The following MYOF variants were observed in gnomAD, a reference collection of about 807,000 sequenced individuals.
MYOF encodes myoferlin.
A neutral mutation model predicts 284.2 loss-of-function variants in MYOF; 244 were observed. That is an observed-to-expected ratio of 0.86 (90% CI 0.77 to 0.95). The LOEUF (loss-of-function observed/expected upper bound fraction) is 0.95. Among genes scored for constraint, MYOF ranks in the 40% least tolerant of loss-of-function variants. The pLI, the probability that MYOF is intolerant of heterozygous loss-of-function variation, is 0.00. For missense variants in MYOF, 2,496 were observed against 2,560.6 expected (o/e 0.97, Z 0.54); for synonymous variants, 904 against 919.7 (o/e 0.98, Z 0.31).
Position 93,399,413 on chromosome 10 carries a change from T to G in MYOF, c.1200A>C (p.Glu400Asp), listed in dbSNP as rs762884280. The G allele has an allele frequency of 6.2e-7, 1 of 1,613,336 alleles. No homozygotes were observed. Among genetic ancestry groups the G allele is most frequent in the Admixed American group, 1.7e-5 (1 of 59,990 alleles). The change falls in exon 13 of 54, where the codon GAA (glutamate) becomes GAC (aspartate). Residue 400 changes from glutamate (E) to aspartate (D), a missense_variant. Around this residue, in one of 3 missense-constraint regions of MYOF, gnomAD observed 2,436 missense variants for 2,480.7 expected, o/e 0.98. Coordinates refer to ENST00000359263, the MANE Select transcript of MYOF (RefSeq NM_013451.4). ...AAACCTTTTTTCCAGCAAAGGAAAC[T>G]TCTACAAAAGGATCCACGAGATTTT... is the stretch of plus-strand genomic sequence containing the variant. ...DKKNLVDPFV[E>D]VSFAGKKVCT...
At chr10:93,325,708 A>G in intron 46 of MYOF, 118 bp downstream of exon 46, 1 of 1,286,632 alleles carries the variant, frequency 7.8e-7, no homozygotes, top group Non-Finnish European at 1.1e-6. Context: ...TTTGAGTCTC[A>G]TTTCTATTTC....
chr10:93,341,869 C>T, intron 38 of MYOF: 1 of 1,257,976 alleles, frequency 7.9e-7, no homozygotes, highest in South Asian at 1.3e-5. Context: ...AGGCCAAGGT[C>T]CCACAGTCCC....
intron 3 of MYOF, among the ~76,000 whole-genome samples, chr10:93,446,969 G>A (rs557661227): frequency 4.6e-5 from 7 of 152,036 alleles, no homozygotes; most frequent in South Asian, 2.1e-4. Flanking sequence ...TGCCTGCCTC[G>A]GCCTCCCAAA....
chr10:93,353,793 A>G lies in MYOF; in HGVS notation c.3481+18T>C. On this transcript the variant is annotated intron_variant, in intron 32 of 53. Coordinates refer to ENST00000359263, the MANE Select transcript of MYOF (RefSeq NM_013451.4). ...TGCTATGTAATCATGTGTAGCATGT[A>G]GATTTTTTTTCCTTTACCTGAAAAG... 7 of 1,592,486 alleles carry G rather than the reference A, an allele frequency of 4.4e-6. No individual in the cohort carries two copies. Among genetic ancestry groups the G allele is most frequent in the Non-Finnish European group, 6.0e-6 (7 of 1,165,900 alleles).
chr10:93,430,517 G>T (rs992652511), intron 4 of MYOF, among the ~76,000 whole-genome samples: 1 of 151,254 alleles, frequency 6.6e-6, no homozygotes, highest in East Asian at 2.0e-4. Flanking sequence ...AGGAGGCAGA[G>T]GTTGCAGTGA....
At chr10:93,376,616 A>G (rs1242916256) in intron 22 of MYOF, among the ~76,000 whole-genome samples, 1 of 152,082 alleles carries the variant, frequency 6.6e-6, no homozygotes, top group African/African-American at 2.4e-5. Flanking sequence ...AGTGTGGGGA[A>G]TAAAGGCCTT....
chr10:93,386,302 TA>T (rs1846362249), intron 19 of MYOF, among the ~76,000 whole-genome samples: 1 of 152,204 alleles, frequency 6.6e-6, no homozygotes, highest in South Asian at 2.1e-4. Context: ...TTCCTTTTCT[TA>T]ATTTTTCCTC....
At position 93,332,245 on chromosome 10, in the gene MYOF, C is replaced by T. The variant is rs866779541; in HGVS notation, c.4811+976G>A. On this transcript the variant is annotated intron_variant, in intron 43 of 53. Transcript: ENST00000359263. ...TCTTTTATTTTTTTTTTTTGGGAGA[C>T]GGAGTCTTGCTCTGTCGCCCAGGCT... is the stretch of plus-strand genomic sequence containing the variant. 6.1e-5 allele frequency among the ~76,000 whole-genome samples: 9 copies of T among 147,124 alleles called. No homozygotes were observed. The East Asian group carries it at 8.1e-4, about 13-fold the overall frequency.
intron 1 of MYOF, among the ~76,000 whole-genome samples, chr10:93,468,300 A>G (rs890769895): frequency 6.6e-6 from 1 of 152,236 alleles, no homozygotes; most frequent in Non-Finnish European, 1.5e-5. Context: ...CTGAGGAGGT[A>G]GGGCCTACAG....
At chr10:93,317,634 GAAACA>G (rs199714602) in intron 49 of MYOF, among the ~76,000 whole-genome samples, 6,794 of 151,994 alleles carry the variant, frequency 0.045, 210 homozygotes, top group Non-Finnish European at 0.066. Context: ...TTCCGTCTCA[GAAACA>G]AAACAAAACA....
At chr10:93,381,464 A>G in intron 19 of MYOF, 68 bp from the exon 20 acceptor site, 1 of 1,511,218 alleles carries the variant, frequency 6.6e-7, no homozygotes, top group Admixed American at 1.8e-5. Context: ...GTGGATTTCT[A>G]GGAGACGCAA....
In MYOF at chr10:93,373,536, A is replaced by G. The variant is rs180954422; in HGVS notation, c.2302-451T>C. On this transcript the variant is annotated intron_variant, in intron 23 of 53. Coordinates refer to ENST00000359263, the MANE Select transcript of MYOF (RefSeq NM_013451.4). ...TCAAAAACCTCTTTTTTTATTATAA[A>G]GAAGATAATCCAGCTTCCAGAGCTG... Among the ~76,000 whole-genome samples the G allele has an allele frequency of 6.1e-3, 936 of 152,300 alleles. 10 individuals carry two copies. Among genetic ancestry groups the G allele is most frequent in the African/African-American group, 0.021 (880 of 41,564 alleles).
chr10:93,409,398 T>G (rs1411194602), intron 6 of MYOF, among the ~76,000 whole-genome samples, 175 bp downstream of exon 6: 1 of 152,204 alleles, frequency 6.6e-6, no homozygotes, highest in East Asian at 1.9e-4. Context: ...TAAACCCACT[T>G]GTGCCTGCAG....
At chr10:93,417,096 C>G (rs1316283537) in intron 5 of MYOF, among the ~76,000 whole-genome samples, 2 of 152,176 alleles carry the variant, frequency 1.3e-5, no homozygotes, top group Non-Finnish European at 2.9e-5. Flanking sequence ...TTCAAGATTC[C>G]TCACTGTCCA....
At chr10:93,329,573 GA>G (rs1843209620) in intron 44 of MYOF, 90 bp downstream of exon 44, 6 of 1,357,590 alleles carry the variant, frequency 4.4e-6, no homozygotes, top group Non-Finnish European at 5.2e-6. Flanking sequence ...GTGGCTCAGT[GA>G]AGGAAGGCAC....
At chr10:93,410,525 T>A (rs1005702700) in intron 5 of MYOF, among the ~76,000 whole-genome samples, 1 of 152,210 alleles carries the variant, frequency 6.6e-6, no homozygotes, top group African/African-American at 2.4e-5. Context: ...TCCGTCTCTA[T>A]TGCAGCTTTT....
At chr10:93,462,154 G>A (rs982635228) in intron 1 of MYOF, among the ~76,000 whole-genome samples, 6 of 150,244 alleles carry the variant, frequency 4.0e-5, no homozygotes, top group African/African-American at 9.8e-5. Flanking sequence ...GCAATGGCAC[G>A]CTCTTTGCTC....
At chr10:93,425,095 C>T (rs1848523639) in intron 5 of MYOF, among the ~76,000 whole-genome samples, 1 of 151,986 alleles carries the variant, frequency 6.6e-6, no homozygotes, top group African/African-American at 2.4e-5. Context: ...TTCACCACCA[C>T]ACCTGGCCAA....
At position 93,306,760 on chromosome 10, in the gene MYOF, C is replaced by A; in HGVS notation, c.*203G>T. The stretch of plus-strand genomic sequence containing the variant: ...ACTTTAGAAAATAAAACTTTTAATA[C>A]TTAAGAGATAACATGATGCAAACGT... On this transcript the variant is annotated 3_prime_UTR_variant, in exon 54 of 54. Transcript: ENST00000359263. 2 of 561,392 alleles carry A rather than the reference C, an allele frequency of 3.6e-6. No homozygotes were observed. Among genetic ancestry groups the A allele is most frequent in the Non-Finnish European group, 3.1e-6 (1 of 317,462 alleles). The allele number at this position is 561,392 out of a possible 1,614,324, so 34.8% of individuals were successfully genotyped here.
Sources: gnomAD v4.1 joint callset for allele counts (sites outside exome capture counted in the v4.1 genomes callset) on GRCh38, gnomAD v4.1.1 for gene constraint, gnomAD v4.1.1 regional missense constraint, MANE v1.5 for transcripts, NCBI Gene and HGNC (gene_info 2026-07-23, HGNC 2026-07-21) for gene names.